The following LCE4A variants were observed in gnomAD, a reference collection of about 807,000 sequenced individuals.
The protein encoded by LCE4A is late cornified envelope protein 4A.
For synonymous variants in LCE4A, 41 were observed against 42.3 expected (o/e 0.97, Z 0.12); for missense variants, 110 against 111.3 (o/e 0.99, Z 0.05).
At position 152,708,263 on chromosome 1, in the gene LCE4A, G is replaced by A. The variant is rs1557813747; in HGVS notation, c.-153G>A. The A allele has an allele frequency of 1.3e-5, 2 of 152,334 alleles. No individual in the cohort carries two copies. The highest frequency in any genetic ancestry group is 2.1e-4 in the South Asian group (1 of 4,832). 9.4% of individuals were successfully genotyped at this position (152,334 alleles called of 1,614,324 possible). A position where few individuals can be genotyped will look rare whatever the true frequency, so the allele number is the denominator to read the frequency against. Reference sequence around the variant, plus strand: ...GACCCCACACTTGTGCAACAGCCACGTCCTGCTCCTGCCATTAGCATGGCT... The same window carrying A: ...GACCCCACACTTGTGCAACAGCCACATCCTGCTCCTGCCATTAGCATGGCT... On this transcript the variant is annotated 5_prime_UTR_variant, in exon 1 of 2. Coordinates refer to ENST00000368777, the MANE Select transcript of LCE4A (RefSeq NM_001387222.1).
rs774219912 is a variant in LCE4A at position 152,709,069 on chromosome 1, C to A, written c.-7C>A. The A allele has an allele frequency of 2.7e-5, 43 of 1,609,738 alleles. No homozygotes were observed. Among genetic ancestry groups the A allele is most frequent in the Non-Finnish European group, 3.7e-5 (43 of 1,177,372 alleles). On this transcript the variant is annotated 5_prime_UTR_variant, in exon 2 of 2. Transcript: ENST00000368777. ...TTGTCATTCAGGTTTATCGAAATCC[C>A]ACCAAGATGTCCTGCCAGCAGAACC...
Position 152,709,093 on chromosome 1 carries a change from C to A in LCE4A, c.18C>A (p.Asn6Lys). 6.2e-7 allele frequency: 1 copy of A among 1,612,788 alleles called. No individual in the cohort carries two copies. Among genetic ancestry groups the A allele is most frequent in the Non-Finnish European group, 8.5e-7 (1 of 1,179,258 alleles). The change falls in exon 2 of 2, where the codon AAC (asparagine) becomes AAA (lysine). Residue 6 changes from asparagine to lysine, a missense_variant. Coordinates refer to ENST00000368777, the MANE Select transcript of LCE4A (RefSeq NM_001387222.1). MSCQQNQQQCQPPPKC... is the reference protein window; with the variant it reads MSCQQKQQQCQPPPKC... Reference sequence around the variant, plus strand: ...CCACCAAGATGTCCTGCCAGCAGAACCAACAGCAGTGCCAGCCCCCTCCCA... The same window carrying A: ...CCACCAAGATGTCCTGCCAGCAGAAACAACAGCAGTGCCAGCCCCCTCCCA...
chr1:152,709,142 C>G lies in LCE4A; in HGVS notation c.67C>G (p.Pro23Ala). The change falls in exon 2 of 2, where the codon CCA becomes GCA. Residue 23 changes from proline to alanine, a missense_variant. Pro to Ala is a conservative substitution (Grantham distance 27, BLOSUM62 -1). Coordinates refer to ENST00000368777, the MANE Select transcript of LCE4A (RefSeq NM_001387222.1). ...CAAGTGTCCTATCCCCAAGTATCCC[C>G]CAAAATGTCCCTCAAAGTGTGCATC... ...PPKCPIPKYP[P>A]KCPSKCASSC... 1 of 1,613,972 alleles carries G rather than the reference C, an allele frequency of 6.2e-7. No homozygotes were observed. Among genetic ancestry groups the G allele is most frequent in the African/African-American group, 1.3e-5 (1 of 75,010 alleles).
intron 1 of LCE4A, 38 bp downstream of exon 1, chr1:152,708,432 C>A (rs1213965720): frequency 1.3e-5 from 2 of 152,456 alleles, no homozygotes; most frequent in African/African-American, 4.8e-5. Flanking sequence ...GGGACGCTAG[C>A]GGGATGAAGA....
chr1:152,709,068 C>T lies in LCE4A; in HGVS notation c.-8C>T. ...TTTGTCATTCAGGTTTATCGAAATC[C>T]CACCAAGATGTCCTGCCAGCAGAAC... On this transcript the variant is annotated 5_prime_UTR_variant, in exon 2 of 2. Transcript: ENST00000368777. The T allele has an allele frequency of 6.2e-7, 1 of 1,608,494 alleles. No homozygotes were observed. Among genetic ancestry groups the T allele is most frequent in the Non-Finnish European group, 8.5e-7 (1 of 1,176,638 alleles).
chr1:152,709,376 C>A lies in LCE4A; in HGVS notation c.*1C>A. 6.4e-7 allele frequency: 1 copy of A among 1,567,466 alleles called. No homozygotes were observed. The highest frequency in any genetic ancestry group is 1.2e-5 in the South Asian group (1 of 83,142). The stretch of plus-strand genomic sequence containing the variant: ...CTGCTCTGGAGGGGGCTGTTGCTGA[C>A]CTGGACCAGGAGCAGCACCAAAGGA... On this transcript the variant is annotated 3_prime_UTR_variant, in exon 2 of 2. Transcript: ENST00000368777.
chr1:152,708,733 G>A (rs545313082), intron 1 of LCE4A, among the ~76,000 whole-genome samples: 9 of 152,106 alleles, frequency 5.9e-5, no homozygotes, highest in Admixed American at 2.0e-4. Flanking sequence ...GATTTTCTAC[G>A]AATTTCTGAA....
In LCE4A at chr1:152,709,088, C is replaced by G; in HGVS notation, c.13C>G (p.Gln5Glu). 6.2e-7 allele frequency: 1 copy of G among 1,612,184 alleles called. No individual in the cohort carries two copies. Among genetic ancestry groups the G allele is most frequent in the Non-Finnish European group, 8.5e-7 (1 of 1,178,860 alleles). Reference protein sequence around the residue: MSCQQNQQQCQPPPK... With the variant: MSCQENQQQCQPPPK... ...AAATCCCACCAAGATGTCCTGCCAG[C>G]AGAACCAACAGCAGTGCCAGCCCCC... The change falls in exon 2 of 2, where the codon CAG (glutamine) becomes GAG (glutamate). Residue 5 changes from glutamine (Q) to glutamate (E), a missense_variant. By Grantham distance (29) the Gln-to-Glu change is conservative (BLOSUM62 2). Transcript: ENST00000368777.
At position 152,709,264 on chromosome 1, in the gene LCE4A, C is replaced by G. The variant is rs375783060; in HGVS notation, c.189C>G (p.His63Gln). 1.3e-5 allele frequency: 21 copies of G among 1,613,990 alleles called. No homozygotes were observed. The highest frequency in any genetic ancestry group is 1.5e-5 in the Non-Finnish European group (18 of 1,179,958). Residue 63 changes from histidine to glutamine, a missense_variant, in exon 2 of 2, where the codon CAC becomes CAG. Transcript: ENST00000368777. ...SEGGGCCLSHHRHHRSHCHRP... is the reference protein window; with the variant it reads ...SEGGGCCLSHQRHHRSHCHRP... ...GAGGTGGCTGCTGCCTGAGCCACCA[C>G]AGACACCATAGGTCCCACTGCCACA...
In LCE4A at chr1:152,709,283, T is replaced by C; in HGVS notation, c.208T>C (p.Cys70Arg). The C allele has an allele frequency of 6.2e-7, 1 of 1,614,132 alleles. No individual in the cohort carries two copies. Residue 70 changes from cysteine to arginine, a missense_variant, in exon 2 of 2, where the codon TGC becomes CGC. Transcript: ENST00000368777. The part of the protein sequence containing the change: ...LSHHRHHRSH[C>R]HRPKSSNCYG... ...CCACCACAGACACCATAGGTCCCAC[T>C]GCCACAGACCCAAGAGCTCCAATTG...
rs1374270894 is a variant in LCE4A, at chr1:152,708,261, A to G, written c.-155A>G. On this transcript the variant is annotated 5_prime_UTR_variant, in exon 1 of 2. Coordinates refer to ENST00000368777, the MANE Select transcript of LCE4A (RefSeq NM_001387222.1). The stretch of plus-strand genomic sequence containing the variant: ...ATGACCCCACACTTGTGCAACAGCC[A>G]CGTCCTGCTCCTGCCATTAGCATGG... The G allele has an allele frequency of 6.6e-6, 1 of 152,338 alleles. No homozygotes were observed. Among genetic ancestry groups the G allele is most frequent in the African/African-American group, 2.4e-5 (1 of 41,470 alleles). 9.4% of individuals were successfully genotyped at this position (152,338 alleles called of 1,614,324 possible). A position where few individuals can be genotyped will look rare whatever the true frequency, so the allele number is the denominator to read the frequency against.
chr1:152,708,637 T>C (rs767633885), intron 1 of LCE4A, among the ~76,000 whole-genome samples: 3 of 152,190 alleles, frequency 2.0e-5, no homozygotes, highest in Non-Finnish European at 4.4e-5. Context: ...CTACCAATGG[T>C]TGGCCTGCTG....
Position 152,709,314 on chromosome 1 carries a change from G to T in LCE4A, c.239G>T (p.Gly80Val), listed in dbSNP as rs1250377933. Residue 80 changes from glycine (G) to valine (V), a missense_variant, in exon 2 of 2, where the codon GGC (glycine) becomes GTC (valine). Gly to Val is a moderately radical substitution (Grantham distance 109). Transcript: ENST00000368777. ...AGACCCAAGAGCTCCAATTGCTATG[G>T]CAGTGGCAGTGGCCAGCAGTCTGGG... Reference protein sequence around the residue: ...CHRPKSSNCYGSGSGQQSGGS... With the variant: ...CHRPKSSNCYVSGSGQQSGGS... The T allele has an allele frequency of 7.4e-6, 12 of 1,612,276 alleles. No homozygotes were observed. In the South Asian group the frequency reaches 1.2e-4, roughly 16 times the overall value.
intron 1 of LCE4A, 155 bp from the exon 2 acceptor site, chr1:152,708,900 T>C (rs1649734255): frequency 1.7e-6 from 1 of 572,300 alleles, no homozygotes; most frequent in Non-Finnish European, 3.1e-6. Flanking sequence ...GGTACAAAAG[T>C]AATGAAGATA....
Position 152,709,168 on chromosome 1 carries a change from C to T in LCE4A, c.93C>T (p.Ser31=). The T allele has an allele frequency of 1.9e-6, 3 of 1,613,804 alleles. No individual in the cohort carries two copies. The highest frequency in any genetic ancestry group is 2.5e-6 in the Non-Finnish European group (3 of 1,179,704). ...YPPKCPSKCA[S]SCPPPISSCC... ...CAAAATGTCCCTCAAAGTGTGCATC[C>T]TCATGCCCACCTCCAATCTCTTCCT... The change falls in exon 2 of 2, where the codon TCC becomes TCT. Residue 31 remains serine, a synonymous_variant. Coordinates refer to ENST00000368777, the MANE Select transcript of LCE4A (RefSeq NM_001387222.1).
chr1:152,709,325 G>A lies in LCE4A; in HGVS notation c.250G>A (p.Gly84Ser). 1 of 1,607,380 alleles carries A rather than the reference G, an allele frequency of 6.2e-7. No individual in the cohort carries two copies. The highest frequency in any genetic ancestry group is 8.5e-7 in the Non-Finnish European group (1 of 1,174,954). ...CTCCAATTGCTATGGCAGTGGCAGT[G>A]GCCAGCAGTCTGGGGGTTCTGGCTG... ...KSSNCYGSGS[G>S]QQSGGSGCCS... The change falls in exon 2 of 2, where the codon GGC becomes AGC. Residue 84 changes from glycine to serine, a missense_variant. Gly to Ser is a moderately conservative substitution (Grantham distance 56). Transcript: ENST00000368777.
chr1:152,709,347 G>A lies in LCE4A; in HGVS notation c.272G>A (p.Gly91Asp). ...SGSGQQSGGS[G>D]CCSGGGCC ...AGTGGCCAGCAGTCTGGGGGTTCTG[G>A]CTGCTGCTCTGGAGGGGGCTGTTGC... The change falls in exon 2 of 2, where the codon GGC (glycine) becomes GAC (aspartate). Residue 91 changes from glycine (G) to aspartate (D), a missense_variant. Physicochemically the swap from Gly to Asp is moderately conservative, Grantham distance 94 (BLOSUM62 -1). Transcript: ENST00000368777. 1 of 1,602,500 alleles carries A rather than the reference G, an allele frequency of 6.2e-7. No homozygotes were observed. The highest frequency in any genetic ancestry group is 8.5e-7 in the Non-Finnish European group (1 of 1,172,924).
rs370378908 is a variant in LCE4A, at chr1:152,709,135, G to C, written c.60G>C (p.Lys20Asn). ...CQPPPKCPIP[K>N]YPPKCPSKCA... The stretch of plus-strand genomic sequence containing the variant: ...CCCCTCCCAAGTGTCCTATCCCCAA[G>C]TATCCCCCAAAATGTCCCTCAAAGT... Residue 20 changes from lysine (K) to asparagine (N), a missense_variant, in exon 2 of 2, where the codon AAG becomes AAC. Physicochemically the swap from Lys to Asn is moderately conservative, Grantham distance 94. Transcript: ENST00000368777. 296 of 1,613,602 alleles carry C rather than the reference G, an allele frequency of 1.8e-4. No individual in the cohort carries two copies. Among genetic ancestry groups the C allele is most frequent in the Non-Finnish European group, 2.4e-4 (284 of 1,179,854 alleles).
At chr1:152,708,732 C>T (rs569861149) in intron 1 of LCE4A, among the ~76,000 whole-genome samples, 15 of 152,230 alleles carry the variant, frequency 9.9e-5, no homozygotes, top group East Asian at 1.9e-4. Flanking sequence ...AGATTTTCTA[C>T]GAATTTCTGA....
Sources: gnomAD v4.1 joint callset for allele counts (sites outside exome capture counted in the v4.1 genomes callset) on GRCh38, gnomAD v4.1.1 for gene constraint, MANE v1.5 for transcripts, NCBI Gene and HGNC (gene_info 2026-07-23, HGNC 2026-07-21) for gene names.